RPSA2: variants seen among roughly 807,000 people sequenced by gnomAD.
The protein encoded by RPSA2 is small ribosomal subunit protein uS2B.
At chr19:23,800,204 A>T in the RPSA2 span, among the ~76,000 whole-genome samples, 147,710 of 151,026 alleles carry the variant, frequency 0.98, 72,324 homozygotes, top group Middle Eastern at 1. Context: ...TTTTTATTTT[A>T]TTTTATTTTT....
chr19:23,761,901 A>ATCCCTTCCTTCCTTCC, the RPSA2 span, among the ~76,000 whole-genome samples: 9 of 34,024 alleles, frequency 2.6e-4, no homozygotes, highest in Admixed American at 3.8e-4. Context: ...GGGTAACGTA[A>ATCCCTTCCTTCCTTCC]TTCTTTCTTT....
At chr19:23,759,479 T>A in the RPSA2 span, among the ~76,000 whole-genome samples, 15 of 149,006 alleles carry the variant, frequency 1.0e-4, 1 homozygote, top group African/African-American at 3.2e-4. Context: ...CCCTAGACAC[T>A]GAGCCTCGGC....
chr19:23,831,819 G>C, the RPSA2 span: 1 of 306,920 alleles, frequency 3.3e-6, no homozygotes, highest in South Asian at 3.8e-5. Context: ...TGTGGTAAAT[G>C]TTTGAAAGTC....
At chr19:23,789,696 A>G in the RPSA2 span, among the ~76,000 whole-genome samples, 1 of 151,912 alleles carries the variant, frequency 6.6e-6, no homozygotes, top group African/African-American at 2.4e-5. Context: ...ACAAAATCAC[A>G]GATGATATTG....
chr19:23,829,712 ATTC>A, the RPSA2 span, among the ~76,000 whole-genome samples: 1 of 152,212 alleles, frequency 6.6e-6, no homozygotes, highest in Non-Finnish European at 1.5e-5. Flanking sequence ...GCATACAAAA[ATTC>A]TTCTTTATTA....
the RPSA2 span, among the ~76,000 whole-genome samples, chr19:23,858,385 T>C: frequency 6.6e-6 from 1 of 152,136 alleles, no homozygotes; most frequent in African/African-American, 2.4e-5. Context: ...ATTACACTTG[T>C]ACCCAACACA....
chr19:23,832,743 T>G, the RPSA2 span: 1 of 1,552,808 alleles, frequency 6.4e-7, no homozygotes, highest in Non-Finnish European at 8.8e-7. Flanking sequence ...ATGAAAAAGC[T>G]TTTAGCCAGT....
chr19:23,860,750 A>G, the RPSA2 span, among the ~76,000 whole-genome samples: 1,647 of 152,356 alleles, frequency 0.011, 32 homozygotes, highest in African/African-American at 0.037. Flanking sequence ...TAGTAAATAC[A>G]GAAGATAAGT....
At chr19:23,854,997 C>T in the RPSA2 span, among the ~76,000 whole-genome samples, 2 of 152,300 alleles carry the variant, frequency 1.3e-5, no homozygotes, top group South Asian at 2.1e-4. Context: ...GATTTTTGAA[C>T]AGCATCTTGT....
the RPSA2 span, among the ~76,000 whole-genome samples, chr19:23,799,821 T>C: frequency 1.3e-4 from 20 of 152,226 alleles, no homozygotes; most frequent in African/African-American, 4.8e-4. Flanking sequence ...ATTTTGTCAT[T>C]GAATATAACC....
At chr19:23,868,469 A>G in the RPSA2 span, among the ~76,000 whole-genome samples, 1 of 152,166 alleles carries the variant, frequency 6.6e-6, no homozygotes, top group South Asian at 2.1e-4. Context: ...TCCTTACATT[A>G]TAGACCAGGC....
At chr19:23,839,179 A>G in the RPSA2 span, among the ~76,000 whole-genome samples, 4 of 152,090 alleles carry the variant, frequency 2.6e-5, no homozygotes, top group Non-Finnish European at 5.9e-5. Flanking sequence ...TTCCATATTG[A>G]TTTTGTTTTT....
the RPSA2 span, among the ~76,000 whole-genome samples, chr19:23,870,552 C>A: frequency 2.6e-5 from 4 of 152,224 alleles, no homozygotes; most frequent in East Asian, 7.7e-4. Context: ...TTTAAATAAG[C>A]AAACTCAAGA....
chr19:23,824,827 A>AT, the RPSA2 span, among the ~76,000 whole-genome samples: 899 of 150,158 alleles, frequency 6.0e-3, 7 homozygotes, highest in African/African-American at 0.015. Context: ...TTGGTTAGAA[A>AT]TTTTTTTTTA....
chr19:23,824,857 G>A, the RPSA2 span, among the ~76,000 whole-genome samples: 1 of 150,184 alleles, frequency 6.7e-6, no homozygotes. Context: ...AATTTGGGAA[G>A]TTTTCACCCT....
the RPSA2 span, among the ~76,000 whole-genome samples, chr19:23,800,212 T>TTA: frequency 6.6e-6 from 1 of 150,766 alleles, no homozygotes; most frequent in Non-Finnish European, 1.5e-5. Flanking sequence ...TTATTTTATT[T>TTA]TTTTTTATTT....
the RPSA2 span, among the ~76,000 whole-genome samples, chr19:23,792,704 G>A: frequency 6.6e-6 from 1 of 151,200 alleles, no homozygotes; most frequent in Non-Finnish European, 1.5e-5. Flanking sequence ...TAGTAGAGAC[G>A]GGCTTTCACC....
At chr19:23,859,927 T>C in the RPSA2 span, among the ~76,000 whole-genome samples, 1 of 152,202 alleles carries the variant, frequency 6.6e-6, no homozygotes. Flanking sequence ...AAAATAAATA[T>C]CTAACTTTTC....
At chr19:23,832,013 T>C in the RPSA2 span, 1 of 426,754 alleles carries the variant, frequency 2.3e-6, no homozygotes, top group South Asian at 2.0e-5. Context: ...TCCTCAATCC[T>C]TACTAATAAT....
Sources: allele counts gnomAD v4.1 joint callset (sites outside exome capture counted in the v4.1 genomes callset), GRCh38; gene constraint gnomAD v4.1.1; transcripts MANE v1.5; gene names NCBI Gene and HGNC (gene_info 2026-07-23, HGNC 2026-07-21).